The following LCN8 variants were observed in gnomAD, a reference collection of about 807,000 sequenced individuals.
The protein encoded by LCN8 is epididymal-specific lipocalin-8.
A neutral mutation model predicts 22.8 loss-of-function variants in LCN8; 16 were observed. That is an observed-to-expected ratio of 0.70 (90% CI 0.47 to 1.06). The LOEUF is 1.06. LCN8 is among the 50% of genes least tolerant of loss of function. The pLI is 0.00. For synonymous variants in LCN8, 92 were observed against 83.4 expected (o/e 1.10, Z -0.56); for missense variants, 189 against 203.3 (o/e 0.93, Z 0.43).
intron 1 of LCN8, 143 bp from the exon 2 acceptor site, chr9:136,757,311 A>G (rs998284624): frequency 4.0e-5 from 58 of 1,461,898 alleles, no homozygotes; most frequent in Non-Finnish European, 5.1e-5. Context: ...GCAGCAAGAC[A>G]TCTGTGAGCC....
intron 1 of LCN8, chr9:136,757,653 G>C: frequency 7.0e-7 from 1 of 1,427,206 alleles, no homozygotes; most frequent in Non-Finnish European, 9.1e-7. Flanking sequence ...CTTCCGCTGA[G>C]ACTTTTAAAA....
Position 136,757,896 on chromosome 9 carries a change from G to A in LCN8, c.24+11C>T, listed in dbSNP as rs1847248411. 1 of 1,613,806 alleles carries A rather than the reference G, an allele frequency of 6.2e-7. No individual in the cohort carries two copies. The highest frequency in any genetic ancestry group is 1.7e-5 in the Admixed American group (1 of 60,022). ...TAGGAGGAGCCCCACCAACTAAGAA[G>A]GAGAAGCCACCTTCTGCCGGTCCAG... is the stretch of plus-strand genomic sequence containing the variant. On this transcript the variant is annotated intron_variant, in intron 1 of 6. Transcript: ENST00000371688.
At chr9:136,757,376 A>C in intron 1 of LCN8, 1 of 1,430,456 alleles carries the variant, frequency 7.0e-7, no homozygotes, top group East Asian at 2.5e-5. Context: ...ATCAGACAGC[A>C]ATGCCCACAG....
At chr9:136,754,617 C>G (rs1412842118) in intron 6 of LCN8, 108 bp from the exon 7 acceptor site, 1 of 1,483,378 alleles carries the variant, frequency 6.7e-7, no homozygotes. Context: ...CCTGGTTTTG[C>G]GCAAAGCACC....
chr9:136,756,439 G>T (rs1847202368), intron 3 of LCN8, 83 bp downstream of exon 3: 5 of 1,612,524 alleles, frequency 3.1e-6, no homozygotes, highest in Non-Finnish European at 4.2e-6. Context: ...GGGGAACAGT[G>T]CAGGGAACAG....
At chr9:136,757,496 G>T (rs1425607879) in intron 1 of LCN8, 1 of 1,353,836 alleles carries the variant, frequency 7.4e-7, no homozygotes, top group Admixed American at 3.3e-5. Flanking sequence ...CAGGACCCAG[G>T]AGCAGAGGCC....
intron 1 of LCN8, 174 bp from the exon 2 acceptor site, chr9:136,757,342 CCCT>C (rs1240689542): frequency 6.9e-7 from 1 of 1,443,926 alleles, no homozygotes; most frequent in Non-Finnish European, 9.1e-7. Context: ...AGGCATGTGT[CCCT>C]CCAAGCGGTG....
At chr9:136,757,520 C>T in intron 1 of LCN8, 1 of 1,354,290 alleles carries the variant, frequency 7.4e-7, no homozygotes, top group Non-Finnish European at 9.5e-7. Flanking sequence ...AAAAGAAAGC[C>T]CGCAGGGCGC....
At chr9:136,756,251 G>C in intron 3 of LCN8, 1 of 1,458,066 alleles carries the variant, frequency 6.9e-7, no homozygotes, top group Non-Finnish European at 9.1e-7. Context: ...GAACGCATGG[G>C]GAATGGCGCA....
chr9:136,754,956 G>A, intron 6 of LCN8, 179 bp downstream of exon 6: 1 of 1,400,166 alleles, frequency 7.1e-7, no homozygotes, highest in South Asian at 1.7e-5. Context: ...TCCAAACCAG[G>A]AGACAGACTC....
intron 6 of LCN8, chr9:136,754,722 C>T (rs1847141607): frequency 3.6e-6 from 5 of 1,407,218 alleles, no homozygotes; most frequent in South Asian, 1.6e-5. Context: ...ACTGGGTTCT[C>T]GCAGTGCCCA....
intron 1 of LCN8, chr9:136,757,703 C>T (rs1416634833): frequency 8.1e-6 from 8 of 985,352 alleles, no homozygotes; most frequent in Non-Finnish European, 9.6e-6. Context: ...TCGTCTCCGG[C>T]ATCTACCTTC....
intron 1 of LCN8, chr9:136,757,572 G>A (rs940305269): frequency 2.2e-5 from 30 of 1,386,400 alleles, no homozygotes; most frequent in African/African-American, 1.3e-4. Flanking sequence ...CTCGGGTAGC[G>A]CAGCTCGCCA....
chr9:136,756,275 G>A, intron 3 of LCN8: 1 of 1,497,024 alleles, frequency 6.7e-7, no homozygotes. Flanking sequence ...AAAAGTGCAG[G>A]GAACAGCATG....
At chr9:136,757,764 G>A in intron 1 of LCN8, 143 bp downstream of exon 1, 1 of 1,570,004 alleles carries the variant, frequency 6.4e-7, no homozygotes, top group Non-Finnish European at 8.7e-7. Flanking sequence ...AGACTCAGCG[G>A]AGAAGAAAAT....
chr9:136,757,944 T>C lies in LCN8; in HGVS notation c.-14A>G, dbSNP rs759051913. 1.9e-6 allele frequency: 3 copies of C among 1,613,096 alleles called. No homozygotes were observed. Among genetic ancestry groups the C allele is most frequent in the South Asian group, 1.1e-5 (1 of 91,068 alleles). ...CAGCTCCTCCATGGCTGCTGCCACC[T>C]GCGCCCGGAGCACCACGAGGACACC... is the stretch of plus-strand genomic sequence containing the variant. On this transcript the variant is annotated 5_prime_UTR_variant, in exon 1 of 7. Coordinates refer to ENST00000371688, the MANE Select transcript of LCN8 (RefSeq NM_178469.4).
intron 6 of LCN8, chr9:136,754,900 C>T (rs1035822302): frequency 7.3e-7 from 1 of 1,366,454 alleles, no homozygotes; most frequent in African/African-American, 1.5e-5. Context: ...CTCCCAGGGT[C>T]CCTGCCTGGC....
chr9:136,756,544 ACTGT>A lies in LCN8; in HGVS notation c.200_203del (p.Asp67ValfsTer30), dbSNP rs761790606. 5.0e-6 allele frequency: 8 copies of A among 1,614,010 alleles called. No individual in the cohort carries two copies. Among genetic ancestry groups the A allele is most frequent in the Non-Finnish European group, 6.8e-6 (8 of 1,180,030 alleles). ...TACCAGGAAAAGCGAATTTTCCCGT[ACTGT>A]CTATTTCTGAGCCCACGATCTTCTC... On this transcript the variant is annotated frameshift_variant, in exon 3 of 7. Coordinates refer to ENST00000371688, the MANE Select transcript of LCN8 (RefSeq NM_178469.4). LOFTEE classifies it high-confidence loss of function.
chr9:136,757,192 A>G, intron 1 of LCN8, 24 bp from the exon 2 acceptor site: 1 of 1,606,612 alleles, frequency 6.2e-7, no homozygotes, highest in Non-Finnish European at 8.5e-7. Context: ...GAGCCTGGCC[A>G]AGAGCTGAGC....
Sources: allele counts gnomAD v4.1 joint callset, GRCh38; gene constraint gnomAD v4.1.1; transcripts MANE v1.5; gene names NCBI Gene and HGNC (gene_info 2026-07-23, HGNC 2026-07-21).